Variants in GARS1 observed in about 807,000 individuals in gnomAD.
The protein encoded by GARS1 is glycyl-tRNA synthetase 1.
In GARS1, 46 loss-of-function variants were observed where a neutral mutation model predicts 86.4. That is an observed-to-expected ratio of 0.53 (90% confidence interval 0.42 to 0.68). The LOEUF is 0.68. Ranked by LOEUF, GARS1 falls within the 30% of genes least tolerant of loss-of-function variation. The pLI is 0.00. For missense variants in GARS1, 797 were observed against 915.6 expected (o/e 0.87, Z 1.67); for synonymous variants, 342 against 329.8 (o/e 1.04, Z -0.40).
At chr7:30,598,664 G>T (rs117505203) in intron 1 of GARS1, 132 bp from the exon 2 acceptor site, 1 of 735,262 alleles carries the variant, frequency 1.4e-6, no homozygotes, top group Non-Finnish European at 2.4e-6. Flanking sequence ...TATTACAGGC[G>T]TGAGCCACCA....
At chr7:30,602,003 C>T (rs1436470353) in intron 4 of GARS1, among the ~76,000 whole-genome samples, 2 of 151,224 alleles carry the variant, frequency 1.3e-5, no homozygotes, top group Admixed American at 6.6e-5. Context: ...AGGGTGGTCT[C>T]GATCTCCTGA....
intron 5 of GARS1, 56 bp downstream of exon 5, chr7:30,603,178 T>G: frequency 7.1e-7 from 1 of 1,398,986 alleles, no homozygotes; most frequent in Non-Finnish European, 1.0e-6. Context: ...GTTTAAACTT[T>G]CTCTCAGATG....
chr7:30,610,558 T>G (rs1791578563), intron 7 of GARS1, among the ~76,000 whole-genome samples: 1 of 152,214 alleles, frequency 6.6e-6, no homozygotes, highest in Non-Finnish European at 1.5e-5. Context: ...AGTTAATTAT[T>G]CTAATGAGAC....
At chr7:30,626,674 A>G (rs1243219274) in intron 13 of GARS1, among the ~76,000 whole-genome samples, 1 of 152,192 alleles carries the variant, frequency 6.6e-6, no homozygotes, top group Non-Finnish European at 1.5e-5. Context: ...TTCTTTGGCA[A>G]AATAACTTGT....
intron 12 of GARS1, among the ~76,000 whole-genome samples, chr7:30,623,045 GAGCCACCAT>G (rs1331882109): frequency 6.7e-6 from 1 of 149,262 alleles, no homozygotes; most frequent in African/African-American, 2.5e-5. Context: ...AGCTTGCAGT[GAGCCACCAT>G]CGTGCCACTG....
At position 30,595,084 on chromosome 7, in the gene GARS1, A is replaced by G. The variant is rs900324585; in HGVS notation, c.163A>G (p.Met55Val). 7.8e-6 allele frequency: 12 copies of G among 1,546,360 alleles called. No homozygotes were observed. Among genetic ancestry groups the G allele is most frequent in the Non-Finnish European group, 1.0e-5 (12 of 1,151,644 alleles). ...GCCCGCCGCCGCCTCCCGGAGCAGC[A>G]TGGACGGCGCGGGGGCTGAGGAGGT... ...SLPAAASRSSMDGAGAEEVLA... is the reference protein window; with the variant it reads ...SLPAAASRSSVDGAGAEEVLA... Residue 55 changes from methionine (M) to valine (V), a missense_variant, in exon 1 of 17, where the codon ATG (methionine) becomes GTG (valine). This residue lies in a region of GARS1 where 199 missense variants were observed against 176.9 expected (regional missense o/e 1.12). Transcript: ENST00000389266.
chr7:30,594,857 C>CTCG (rs1190022798), upstream of GARS1: 2 of 1,386,326 alleles, frequency 1.4e-6, no homozygotes, highest in East Asian at 5.0e-5. Context: ...TCATCATGCT[C>CTCG]CGAGCCGGGC....
At chr7:30,613,059 T>C (rs1204749266) in intron 8 of GARS1, among the ~76,000 whole-genome samples, 2 of 152,164 alleles carry the variant, frequency 1.3e-5, no homozygotes, top group African/African-American at 2.4e-5. Context: ...TTTCCTGTCT[T>C]CTCTTCTTAC....
In GARS1 at chr7:30,632,049, G is replaced by T; in HGVS notation, c.1904-198G>T. 1.6e-6 allele frequency: 1 copy of T among 607,570 alleles called. No individual in the cohort carries two copies. Among genetic ancestry groups the T allele is most frequent in the African/African-American group, 1.8e-5 (1 of 54,452 alleles). 37.6% of individuals were successfully genotyped at this position (607,570 alleles called of 1,614,324 possible). A position where few individuals can be genotyped will look rare whatever the true frequency, so the allele number is the denominator to read the frequency against. ...TGTTCCCCCTATAGCTGTATCAGAT[G>T]GAGGTATGAGTGAAGATTTGGATTC... is the stretch of plus-strand genomic sequence containing the variant. On this transcript the variant is annotated intron_variant, in intron 15 of 16. Transcript: ENST00000389266. This position sits in a 1 kb window ranked among gnomAD's most constrained non-coding sequence, Gnocchi z 4.1.
At chr7:30,621,992 C>G in intron 11 of GARS1, 5 of 388,334 alleles carry the variant, frequency 1.3e-5, no homozygotes, top group Non-Finnish European at 2.4e-5. Context: ...AGGTCAGTGA[C>G]AGGAAATAGA....
At position 30,595,101 on chromosome 7, in the gene GARS1, T is replaced by C; in HGVS notation, c.180T>C (p.Ala60=). The C allele has an allele frequency of 6.5e-7, 1 of 1,541,984 alleles. No individual in the cohort carries two copies. The highest frequency in any genetic ancestry group is 1.2e-5 in the South Asian group (1 of 84,588). The change falls in exon 1 of 17, where the codon GCT becomes GCC. Residue 60 remains alanine (A), a synonymous_variant. Coordinates refer to ENST00000389266, the MANE Select transcript of GARS1 (RefSeq NM_002047.4). ...GGAGCAGCATGGACGGCGCGGGGGC[T>C]GAGGAGGTGCTGGCACCTCTGAGGC... is the stretch of plus-strand genomic sequence containing the variant. ...ASRSSMDGAG[A]EEVLAPLRLA...
chr7:30,596,507 C>G (rs1319688133), intron 1 of GARS1, among the ~76,000 whole-genome samples: 1 of 151,922 alleles, frequency 6.6e-6, no homozygotes, highest in East Asian at 1.9e-4. Flanking sequence ...ACCACCACAC[C>G]CAAACCCCTC....
At chr7:30,608,740 C>T (rs1584031429) in intron 6 of GARS1, among the ~76,000 whole-genome samples, 1 of 152,234 alleles carries the variant, frequency 6.6e-6, no homozygotes, top group East Asian at 1.9e-4. Context: ...TCATCATATT[C>T]CTGCATAGCA....
At position 30,595,155 on chromosome 7, in the gene GARS1, T is replaced by C; in HGVS notation, c.222+12T>C. On this transcript the variant is annotated intron_variant, in intron 1 of 16. Coordinates refer to ENST00000389266, the MANE Select transcript of GARS1 (RefSeq NM_002047.4). ...CAGTGCGCCAGCAGGTACCGGTGTT[T>C]TGCGCTCTCCGCTAAGCCTCCGGCT... 6.5e-7 allele frequency: 1 copy of C among 1,535,660 alleles called. No individual in the cohort carries two copies. Among genetic ancestry groups the C allele is most frequent in the South Asian group, 1.2e-5 (1 of 84,036 alleles).
Position 30,633,751 on chromosome 7 carries a change from G to C in GARS1, c.2111G>C (p.Ser704Thr). Reference sequence around the variant, plus strand: ...TGTCTCTAGATCTCTGAGCTGCCCAGCATAGTCCAAGACCTAGCCAATGGC... The same window carrying C: ...TGTCTCTAGATCTCTGAGCTGCCCACCATAGTCCAAGACCTAGCCAATGGC... ...QIRAEISELPSIVQDLANGNI... is the reference protein window; with the variant it reads ...QIRAEISELPTIVQDLANGNI... Residue 704 changes from serine (S) to threonine (T), a missense_variant, in exon 17 of 17, where the codon AGC (serine) becomes ACC (threonine). Coordinates refer to ENST00000389266, the MANE Select transcript of GARS1 (RefSeq NM_002047.4). The C allele has an allele frequency of 6.2e-7, 1 of 1,614,040 alleles. No individual in the cohort carries two copies. The highest frequency in any genetic ancestry group is 1.1e-5 in the South Asian group (1 of 91,076).
chr7:30,622,205 AG>A lies in GARS1; in HGVS notation c.1468-111del, dbSNP rs377590213. On this transcript the variant is annotated intron_variant, in intron 11 of 16. Transcript: ENST00000389266. ...TAAAATCAGCATAAACAGGATCTGG[AG>A]TACTGATAGAGAGCTGGCATGGTTT... The A allele has an allele frequency of 2.4e-4, 302 of 1,236,706 alleles. No homozygotes were observed. The African/African-American group carries it at 3.2e-3, about 13-fold the overall frequency. The allele number at this position is 1,236,706 out of a possible 1,614,324, so 76.6% of individuals were successfully genotyped here.
intron 10 of GARS1, among the ~76,000 whole-genome samples, chr7:30,618,504 C>T (rs1465329011): frequency 2.0e-5 from 3 of 152,076 alleles, no homozygotes; most frequent in Non-Finnish European, 4.4e-5. Flanking sequence ...TGTGATAGCA[C>T]GCCCCTGTAG....
At chr7:30,633,596 T>C in intron 16 of GARS1, 139 bp from the exon 17 acceptor site, 1 of 987,904 alleles carries the variant, frequency 1.0e-6, no homozygotes, top group Non-Finnish European at 1.6e-6. Context: ...GGTGGGCGTT[T>C]TGGGCTAGAA....
chr7:30,626,771 A>G (rs1783137741), intron 13 of GARS1, among the ~76,000 whole-genome samples: 1 of 152,210 alleles, frequency 6.6e-6, no homozygotes, highest in Admixed American at 6.5e-5. Context: ...TCACGAGGTC[A>G]GGAGTTCAAG....
Sources: allele counts gnomAD v4.1 joint callset (sites outside exome capture counted in the v4.1 genomes callset), GRCh38; gene constraint gnomAD v4.1.1; regional missense constraint gnomAD v4.1.1; non-coding constraint Gnocchi (gnomAD v3.1); transcripts MANE v1.5; gene names NCBI Gene and HGNC (gene_info 2026-07-23, HGNC 2026-07-21).